Variants in SRRM4 observed in about 807,000 individuals in gnomAD.
The protein encoded by SRRM4 is serine/arginine repetitive matrix protein 4.
SRRM4 carries 33 observed loss-of-function variants against 68.9 expected under a neutral mutation model. That is an observed-to-expected ratio of 0.48 (90% CI 0.36 to 0.64). The LOEUF is 0.64. SRRM4 is among the 30% of genes least tolerant of loss of function. SRRM4 has a pLI of 0.00. For missense variants in SRRM4, 817 were observed against 827.1 expected, an observed-to-expected ratio of 0.99 and a Z score of 0.15; for synonymous variants, 318 against 318.8, an observed-to-expected ratio of 1.00 and a Z score of 0.03.
At chr12:119,097,199 T>A (rs114660263) in intron 1 of SRRM4, among the ~76,000 whole-genome samples, 12,007 of 152,202 alleles carry the variant, frequency 0.079, 525 homozygotes, top group African/African-American at 0.1. Flanking sequence ...GAACACAGAA[T>A]TTTTCTTAAG....
intron 2 of SRRM4, among the ~76,000 whole-genome samples, 152 bp downstream of exon 2, chr12:119,102,534 T>C (rs1954083589): frequency 6.6e-6 from 1 of 152,226 alleles, no homozygotes; most frequent in Non-Finnish European, 1.5e-5. Flanking sequence ...ATCAGAAATA[T>C]TTTAAGTTTG....
intron 1 of SRRM4, among the ~76,000 whole-genome samples, chr12:119,064,925 G>A (rs1338947554): frequency 2.6e-5 from 4 of 152,038 alleles, no homozygotes; most frequent in Non-Finnish European, 5.9e-5. Flanking sequence ...TAATATGAGC[G>A]AACTGCCCCC....
chr12:119,093,515 T>G (rs527335606), intron 1 of SRRM4, among the ~76,000 whole-genome samples: 23 of 152,176 alleles, frequency 1.5e-4, no homozygotes, highest in Non-Finnish European at 3.2e-4. Flanking sequence ...GACTCACTTG[T>G]CCTGTCCCTC....
At chr12:119,136,615 C>T (rs1954330008) in intron 8 of SRRM4, among the ~76,000 whole-genome samples, 1 of 152,028 alleles carries the variant, frequency 6.6e-6, no homozygotes, top group South Asian at 2.1e-4. Flanking sequence ...AAAGACACGA[C>T]CTTGGAAGAA....
At chr12:119,063,050 C>T (rs770546722) in intron 1 of SRRM4, among the ~76,000 whole-genome samples, 21 of 152,224 alleles carry the variant, frequency 1.4e-4, no homozygotes, top group Non-Finnish European at 1.9e-4. Context: ...TGATCATTAT[C>T]ATCTCAGCCA....
intron 1 of SRRM4, among the ~76,000 whole-genome samples, chr12:119,058,947 C>A (rs867855207): frequency 2.0e-5 from 3 of 152,296 alleles, no homozygotes; most frequent in Middle Eastern, 6.8e-3. Context: ...CCACCCCACC[C>A]GCAGCAGAGC....
chr12:118,997,431 A>C (rs1484418066), intron 1 of SRRM4, among the ~76,000 whole-genome samples: 2 of 152,146 alleles, frequency 1.3e-5, no homozygotes, highest in Admixed American at 6.5e-5. Context: ...CATCCCTGCC[A>C]TGTGGCACCT....
At chr12:119,052,324 G>C (rs1953748043) in intron 1 of SRRM4, among the ~76,000 whole-genome samples, 1 of 152,092 alleles carries the variant, frequency 6.6e-6, no homozygotes, top group Non-Finnish European at 1.5e-5. Flanking sequence ...GGACCCTTAG[G>C]TTTCATGTAT....
chr12:119,139,106 C>T (rs1265731775), intron 8 of SRRM4, among the ~76,000 whole-genome samples: 2 of 152,050 alleles, frequency 1.3e-5, no homozygotes, highest in Non-Finnish European at 2.9e-5. Flanking sequence ...TTATGAGAGG[C>T]CTATTATATA....
intron 1 of SRRM4, among the ~76,000 whole-genome samples, chr12:119,032,874 T>G (rs1038602783): frequency 3.3e-5 from 5 of 152,184 alleles, no homozygotes; most frequent in African/African-American, 1.2e-4. Context: ...TATGTTTCCC[T>G]GCAAATTGTC....
chr12:119,131,191 G>T (rs1954295575), intron 8 of SRRM4, among the ~76,000 whole-genome samples: 1 of 152,176 alleles, frequency 6.6e-6, no homozygotes, highest in Admixed American at 6.5e-5. Context: ...GAAAAGAAGG[G>T]CTCTTTGACA....
intron 1 of SRRM4, among the ~76,000 whole-genome samples, chr12:119,049,985 G>T (rs868793528): frequency 1.3e-4 from 20 of 152,150 alleles, no homozygotes; most frequent in Non-Finnish European, 2.2e-4. Flanking sequence ...TGAGGGTTAG[G>T]ACTTCAATAT....
At chr12:119,009,981 A>G (rs981408618) in intron 1 of SRRM4, among the ~76,000 whole-genome samples, 2 of 152,182 alleles carry the variant, frequency 1.3e-5, no homozygotes, top group African/African-American at 4.8e-5. Context: ...ATAATATTCC[A>G]TAAGTGTTTA....
intron 1 of SRRM4, among the ~76,000 whole-genome samples, chr12:119,008,405 A>G (rs1953428548): frequency 6.6e-6 from 1 of 151,916 alleles, no homozygotes; most frequent in Non-Finnish European, 1.5e-5. Flanking sequence ...GTTATCTAAT[A>G]TCTATTCAAA....
At chr12:119,027,521 A>C (rs1367750403) in intron 1 of SRRM4, among the ~76,000 whole-genome samples, 1 of 151,590 alleles carries the variant, frequency 6.6e-6, no homozygotes, top group Non-Finnish European at 1.5e-5. Flanking sequence ...AGTCAGATCT[A>C]CAAGCACTCA....
chr12:119,105,696 A>G (rs907258678), intron 2 of SRRM4, among the ~76,000 whole-genome samples: 2 of 152,076 alleles, frequency 1.3e-5, no homozygotes, highest in African/African-American at 4.8e-5. Flanking sequence ...AATTTGTTTA[A>G]GTTCTTTGTA....
chr12:119,148,268 C>T (rs2136067199), intron 9 of SRRM4, among the ~76,000 whole-genome samples: 1 of 152,288 alleles, frequency 6.6e-6, no homozygotes, highest in African/African-American at 2.4e-5. Context: ...AACAGCTTGA[C>T]ATCCACATGC....
intron 9 of SRRM4, among the ~76,000 whole-genome samples, chr12:119,146,945 A>AG (rs1954406616): frequency 6.6e-6 from 1 of 152,172 alleles, no homozygotes; most frequent in African/African-American, 2.4e-5. Flanking sequence ...CAAAAAAAAA[A>AG]AAGAACATAT....
intron 8 of SRRM4, among the ~76,000 whole-genome samples, chr12:119,132,534 G>C (rs1282184710): frequency 6.6e-6 from 1 of 152,180 alleles, no homozygotes; most frequent in Non-Finnish European, 1.5e-5. Flanking sequence ...TTACATGTCT[G>C]GGATGGTTTT....
Sources: allele counts gnomAD v4.1 joint callset (sites outside exome capture counted in the v4.1 genomes callset), GRCh38; gene constraint gnomAD v4.1.1; transcripts MANE v1.5; gene names NCBI Gene and HGNC (gene_info 2026-07-23, HGNC 2026-07-21).